EPHA3: variants seen among roughly 807,000 people sequenced by gnomAD.
The protein encoded by EPHA3 is ephrin type-A receptor 3.
A neutral mutation model predicts 107.1 loss-of-function variants in EPHA3; 42 were observed. The ratio of observed to expected loss-of-function variants is 0.39; its 90% confidence interval spans 0.31 to 0.51. The LOEUF (loss-of-function observed/expected upper bound fraction) is 0.51, where lower values mean the gene tolerates loss of function less well. EPHA3 is among the 20% of genes least tolerant of loss of function. EPHA3 has a pLI of 0.78. For synonymous variants in EPHA3, 461 were observed against 424.8 expected, an observed-to-expected ratio of 1.09 and a Z score of -1.05; for missense variants, 1,183 against 1,211.2, an observed-to-expected ratio of 0.98 and a Z score of 0.35.
chr3:89,258,682 G>A (rs1328793547), intron 3 of EPHA3, among the ~76,000 whole-genome samples: 1 of 152,114 alleles, frequency 6.6e-6, no homozygotes, highest in African/African-American at 2.4e-5. Flanking sequence ...GAAAACAAAA[G>A]AAATACATAC....
chr3:89,204,441 G>C (rs1413791435), intron 2 of EPHA3, among the ~76,000 whole-genome samples: 1 of 151,184 alleles, frequency 6.6e-6, no homozygotes, highest in Non-Finnish European at 1.5e-5. Context: ...CTGTCTTCCT[G>C]ACTCCTCGGC....
chr3:89,330,760 G>C (rs1243393213), intron 3 of EPHA3, among the ~76,000 whole-genome samples: 1 of 151,976 alleles, frequency 6.6e-6, no homozygotes, highest in South Asian at 2.1e-4. Context: ...GAAATTTGTC[G>C]TTTATCCCTC....
chr3:89,467,102 G>A (rs1710295950), intron 15 of EPHA3, among the ~76,000 whole-genome samples: 1 of 151,924 alleles, frequency 6.6e-6, no homozygotes, highest in South Asian at 2.1e-4. Flanking sequence ...ATCGTATCTG[G>A]ATTTTTAATT....
chr3:89,458,010 G>A (rs1260275226), intron 15 of EPHA3, among the ~76,000 whole-genome samples: 1 of 152,156 alleles, frequency 6.6e-6, no homozygotes, highest in Non-Finnish European at 1.5e-5. Flanking sequence ...GTGGTAGGAA[G>A]AACAGAAGGA....
intron 13 of EPHA3, among the ~76,000 whole-genome samples, chr3:89,436,606 G>A (rs1039549223): frequency 2.0e-5 from 3 of 152,192 alleles, no homozygotes; most frequent in Admixed American, 6.5e-5. Context: ...AAACATCTCT[G>A]TGAGTGACAG....
intron 2 of EPHA3, among the ~76,000 whole-genome samples, chr3:89,172,556 A>G (rs1705234571): frequency 6.6e-6 from 1 of 152,048 alleles, no homozygotes; most frequent in Admixed American, 6.5e-5. Context: ...GCTTTCTCCT[A>G]CTCCAACTTA....
At chr3:89,181,555 T>C (rs1705443065) in intron 2 of EPHA3, among the ~76,000 whole-genome samples, 1 of 151,842 alleles carries the variant, frequency 6.6e-6, no homozygotes, top group South Asian at 2.1e-4. Context: ...GAGATGGTAG[T>C]GGAGAGAGAT....
At chr3:89,317,971 A>G (rs1410861186) in intron 3 of EPHA3, among the ~76,000 whole-genome samples, 1 of 151,776 alleles carries the variant, frequency 6.6e-6, no homozygotes, top group African/African-American at 2.4e-5. Flanking sequence ...TGTCTGGAAT[A>G]TATATAATAT....
At chr3:89,143,152 A>G (rs935259314) in intron 2 of EPHA3, among the ~76,000 whole-genome samples, 1 of 151,330 alleles carries the variant, frequency 6.6e-6, no homozygotes, top group African/African-American at 2.4e-5. Flanking sequence ...ATACCTACAG[A>G]GTTTGGGAAA....
chr3:89,255,211 C>G (rs1333410231), intron 3 of EPHA3, among the ~76,000 whole-genome samples: 6 of 152,128 alleles, frequency 3.9e-5, no homozygotes, highest in Non-Finnish European at 8.8e-5. Context: ...AGACGGAAGT[C>G]TATGGTAGCA....
At chr3:89,178,294 A>C (rs1287173470) in intron 2 of EPHA3, among the ~76,000 whole-genome samples, 2 of 152,106 alleles carry the variant, frequency 1.3e-5, no homozygotes, top group Non-Finnish European at 2.9e-5. Flanking sequence ...TTATGTTATT[A>C]CATCTTCTAA....
intron 15 of EPHA3, among the ~76,000 whole-genome samples, chr3:89,468,708 C>G (rs1710339526): frequency 6.6e-6 from 1 of 152,088 alleles, no homozygotes; most frequent in South Asian, 2.1e-4. Flanking sequence ...TGATTTAATG[C>G]TATTCTTATC....
At chr3:89,365,339 G>C (rs779585660) in intron 5 of EPHA3, among the ~76,000 whole-genome samples, 3 of 150,700 alleles carry the variant, frequency 2.0e-5, no homozygotes, top group Non-Finnish European at 4.5e-5. Flanking sequence ...TGGATGGAAT[G>C]GTGGCTTAAG....
rs1181069356 is a variant in EPHA3 at position 89,481,285 on chromosome 3, A to G, written c.*1783A>G. On this transcript the variant is annotated 3_prime_UTR_variant, in exon 17 of 17. Transcript: ENST00000336596. ...TCCTTCGGATATGATTGTTTCTCAA[A>G]TCTTGGCAATATTCCTTAGTCAAAT... is the stretch of plus-strand genomic sequence containing the variant. 8.6e-6 allele frequency: 2 copies of G among 232,118 alleles called. No individual in the cohort carries two copies. The highest frequency in any genetic ancestry group is 4.4e-5 in the African/African-American group (2 of 45,308). 14.4% of individuals were successfully genotyped at this position (232,118 alleles called of 1,614,324 possible). A position where few individuals can be genotyped will look rare whatever the true frequency, so the allele number is the denominator to read the frequency against.
At chr3:89,111,687 AT>A (rs146996686) in intron 1 of EPHA3, among the ~76,000 whole-genome samples, 10 of 152,198 alleles carry the variant, frequency 6.6e-5, no homozygotes, top group African/African-American at 2.4e-4. Context: ...AATATTTTGA[AT>A]GTCCCGTAAA....
chr3:89,440,128 T>G (rs1234773928), intron 13 of EPHA3, among the ~76,000 whole-genome samples: 1 of 152,196 alleles, frequency 6.6e-6, no homozygotes, highest in Non-Finnish European at 1.5e-5. Context: ...ACTAGATGCT[T>G]CCTTTGGGAG....
intron 1 of EPHA3, among the ~76,000 whole-genome samples, chr3:89,119,219 G>A (rs537409198): frequency 3.3e-5 from 5 of 152,200 alleles, no homozygotes; most frequent in African/African-American, 1.2e-4. Context: ...ACATGTGAGT[G>A]CATGTGAATA....
intron 5 of EPHA3, among the ~76,000 whole-genome samples, chr3:89,394,273 G>A (rs1708805197): frequency 6.6e-6 from 1 of 152,134 alleles, no homozygotes; most frequent in African/African-American, 2.4e-5. Context: ...AGCTGATTGT[G>A]GTGGCACAAG....
chr3:89,478,995 A>T (rs1710573310), intron 16 of EPHA3, among the ~76,000 whole-genome samples: 1 of 151,962 alleles, frequency 6.6e-6, no homozygotes, highest in South Asian at 2.1e-4. Context: ...TGGCAACATA[A>T]CTCCAATCTC....
Sources: gnomAD v4.1 joint callset for allele counts (sites outside exome capture counted in the v4.1 genomes callset) on GRCh38, gnomAD v4.1.1 for gene constraint, MANE v1.5 for transcripts, NCBI Gene and HGNC (gene_info 2026-07-23, HGNC 2026-07-21) for gene names.